Variants in EML4 observed in about 807,000 individuals in gnomAD.
The protein encoded by EML4 is EMAP like 4, also known as echinoderm microtubule-associated protein-like 4.
Under a neutral mutation model 129.0 loss-of-function variants are expected in EML4, and 72 were observed. The ratio of observed to expected loss-of-function variants is 0.56; its 90% CI spans 0.46 to 0.68. EML4 has a LOEUF of 0.68. Ranked by LOEUF, EML4 falls within the 30% of genes least tolerant of loss-of-function variation. The pLI is 0.00. For synonymous variants in EML4, 532 were observed against 405.0 expected (o/e 1.31, Z -3.77); for missense variants, 1,363 against 1,190.6 (o/e 1.14, Z -2.13).
Position 42,169,443 on chromosome 2 carries a change from C to G in EML4, c.-169C>G. On this transcript the variant is annotated 5_prime_UTR_variant, in exon 1 of 23. Coordinates refer to ENST00000318522, the MANE Select transcript of EML4 (RefSeq NM_019063.5). ...GTGACGGGGAAGTGGTTCGGGCGGC[C>G]GCGGCTTACTACCCCAGGGCGAACG... The G allele has an allele frequency of 1.6e-6, 1 of 630,166 alleles. No individual in the cohort carries two copies. Among genetic ancestry groups the G allele is most frequent in the Non-Finnish European group, 2.5e-6 (1 of 396,184 alleles). 39.0% of individuals were successfully genotyped at this position (630,166 alleles called of 1,614,324 possible).
chr2:42,330,292 G>T lies in EML4; in HGVS notation c.*85G>T. ...AGGTAACAGGATGGGCAGTGATGGA[G>T]AATCACTGTTGATTGAGATTTTGGT... On this transcript the variant is annotated 3_prime_UTR_variant, in exon 23 of 23. Coordinates refer to ENST00000318522, the MANE Select transcript of EML4 (RefSeq NM_019063.5). 2 of 1,203,930 alleles carry T rather than the reference G, an allele frequency of 1.7e-6. No individual in the cohort carries two copies. The highest frequency in any genetic ancestry group is 2.4e-5 in the East Asian group (1 of 41,874). 74.6% of individuals were successfully genotyped at this position (1,203,930 alleles called of 1,614,324 possible). A position where few individuals can be genotyped will look rare whatever the true frequency, so the allele number is the denominator to read the frequency against.
intron 21 of EML4, among the ~76,000 whole-genome samples, chr2:42,327,519 G>A (rs151314293): frequency 2.5e-3 from 381 of 152,234 alleles, no homozygotes; most frequent in South Asian, 3.9e-3. Context: ...ATTATTTTGC[G>A]TGTGGATGTC....
intron 11 of EML4, among the ~76,000 whole-genome samples, chr2:42,290,655 C>G (rs1255159826): frequency 6.6e-6 from 1 of 151,990 alleles, no homozygotes; most frequent in East Asian, 1.9e-4. Flanking sequence ...TCAATTGAGC[C>G]CAGGAGATTG....
intron 6 of EML4, among the ~76,000 whole-genome samples, chr2:42,270,630 G>A (rs763082659): frequency 7.2e-5 from 11 of 152,210 alleles, no homozygotes; most frequent in Non-Finnish European, 1.6e-4. Context: ...TATAATAGCG[G>A]TGTCCTGCTG....
At chr2:42,216,708 C>T (rs762478120) in intron 1 of EML4, among the ~76,000 whole-genome samples, 8 of 152,124 alleles carry the variant, frequency 5.3e-5, no homozygotes, top group Non-Finnish European at 8.8e-5. Context: ...ATTATTATAG[C>T]CAAACAATGA....
chr2:42,247,712 G>A (rs757311394), intron 2 of EML4, among the ~76,000 whole-genome samples: 1 of 151,810 alleles, frequency 6.6e-6, no homozygotes, highest in Non-Finnish European at 1.5e-5. Flanking sequence ...TTTGAGGACC[G>A]CCAAGATCAA....
intron 8 of EML4, 40 bp from the exon 9 acceptor site, chr2:42,284,594 G>A (rs1667184814): frequency 1.4e-6 from 2 of 1,451,540 alleles, no homozygotes; most frequent in African/African-American, 1.4e-5. Flanking sequence ...GTTGTTTCAT[G>A]TTTCCTGTGT....
In EML4 at chr2:42,296,779, G is replaced by A. The variant is rs553926801; in HGVS notation, c.1489+1263G>A. 2.6e-5 allele frequency among the ~76,000 whole-genome samples: 4 copies of A among 152,184 alleles called. No homozygotes were observed. In the East Asian group the frequency reaches 5.8e-4, roughly 22 times the overall value. ...CACCGAAATGTGGAATTTAAATTTC[G>A]CATTACTGTTTTCTTATGACTGCAC... On this transcript the variant is annotated intron_variant, in intron 13 of 22. Transcript: ENST00000318522.
At chr2:42,263,886 C>T (rs1404883530) in intron 5 of EML4, among the ~76,000 whole-genome samples, 4 of 151,622 alleles carry the variant, frequency 2.6e-5, no homozygotes, top group East Asian at 1.9e-4. Context: ...TGCACCACCA[C>T]GCCCAGCTAA....
At chr2:42,243,965 A>T (rs1227178628) in intron 1 of EML4, among the ~76,000 whole-genome samples, 26 of 152,070 alleles carry the variant, frequency 1.7e-4, no homozygotes, top group Admixed American at 1.7e-3. Context: ...CTTACATTAG[A>T]ATCTAAAACT....
intron 2 of EML4, among the ~76,000 whole-genome samples, chr2:42,255,401 T>C (rs893638087): frequency 1.3e-5 from 2 of 152,120 alleles, no homozygotes; most frequent in African/African-American, 4.8e-5. Context: ...ACATGGTTTC[T>C]ATTTGGGGTG....
chr2:42,249,256 A>G (rs1675614006), intron 2 of EML4, among the ~76,000 whole-genome samples: 1 of 150,924 alleles, frequency 6.6e-6, no homozygotes, highest in Admixed American at 6.6e-5. Context: ...ATTAAAAAGT[A>G]AAGTCATTTT....
Position 42,229,559 on chromosome 2 carries a change from C to T in EML4, c.26-15946C>T, listed in dbSNP as rs570132848. ...TCTTGCAAGAGTCACCCATTCACCA[C>T]GAGAGAGAAAAATAAAAGAAATGTG... On this transcript the variant is annotated intron_variant, in intron 1 of 22. Coordinates refer to ENST00000318522, the MANE Select transcript of EML4 (RefSeq NM_019063.5). 6.6e-4 allele frequency among the ~76,000 whole-genome samples: 100 copies of T among 151,800 alleles called. 1 individual carries two copies. The highest frequency in any genetic ancestry group is 2.4e-3 in the African/African-American group (98 of 41,396).
At chr2:42,214,210 G>T (rs557951423) in intron 1 of EML4, among the ~76,000 whole-genome samples, 7 of 152,238 alleles carry the variant, frequency 4.6e-5, no homozygotes, top group African/African-American at 1.7e-4. Flanking sequence ...AGTGGATTCG[G>T]TATGAACTTA....
chr2:42,304,590 G>T (rs375619514), intron 17 of EML4, 39 bp downstream of exon 17: 5 of 1,481,558 alleles, frequency 3.4e-6, no homozygotes, highest in Non-Finnish European at 4.7e-6. Context: ...TGAAGTGGTG[G>T]GATGTTTAAA....
At chr2:42,191,621 C>T (rs1356304364) in intron 1 of EML4, among the ~76,000 whole-genome samples, 1 of 152,006 alleles carries the variant, frequency 6.6e-6, no homozygotes, top group South Asian at 2.1e-4. Context: ...AATTAGCCAC[C>T]CCAAATTGTG....
chr2:42,244,846 T>A (rs1454117883), intron 1 of EML4, among the ~76,000 whole-genome samples: 7 of 152,130 alleles, frequency 4.6e-5, no homozygotes, highest in Admixed American at 4.6e-4. Context: ...TTAAATAGTT[T>A]GCTGTCTTGG....
chr2:42,233,730 AATCTTAAT>A (rs1286532667), intron 1 of EML4, among the ~76,000 whole-genome samples: 5 of 152,230 alleles, frequency 3.3e-5, no homozygotes, highest in Admixed American at 2.6e-4. Flanking sequence ...GTTTATAATG[AATCTTAAT>A]ATCTTAATAT....
intron 1 of EML4, among the ~76,000 whole-genome samples, chr2:42,221,479 G>C (rs1673594694): frequency 7.2e-6 from 1 of 139,428 alleles, no homozygotes. Context: ...GTGCTATCAT[G>C]GCTCACTGCA....
Sources: allele counts gnomAD v4.1 joint callset (sites outside exome capture counted in the v4.1 genomes callset), GRCh38; gene constraint gnomAD v4.1.1; transcripts MANE v1.5; gene names NCBI Gene and HGNC (gene_info 2026-07-23, HGNC 2026-07-21).